CCSER1: variants seen among roughly 807,000 people sequenced by gnomAD.
The protein encoded by CCSER1 is serine-rich coiled-coil domain-containing protein 1.
In CCSER1, 41 loss-of-function variants were observed where a neutral mutation model predicts 82.0. The observed-to-expected ratio is 0.50, with a 90% confidence interval of 0.39 to 0.65. The LOEUF (loss-of-function observed/expected upper bound fraction) is 0.65. Among genes scored for constraint, CCSER1 ranks in the 30% least tolerant of loss-of-function variants. The pLI, the probability that CCSER1 is intolerant of heterozygous loss-of-function variation, is 0.00. For synonymous variants in CCSER1, 414 were observed against 383.9 expected (o/e 1.08, Z -0.92); for missense variants, 1,119 against 1,064.2 (o/e 1.05, Z -0.72).
At chr4:91,103,920 G>T (rs1725342673) in intron 10 of CCSER1, among the ~76,000 whole-genome samples, 1 of 152,030 alleles carries the variant, frequency 6.6e-6, no homozygotes, top group Non-Finnish European at 1.5e-5. Context: ...AAGTAGGAGA[G>T]ATATCACTAA....
At chr4:91,054,986 T>C (rs1743320165) in intron 9 of CCSER1, among the ~76,000 whole-genome samples, 1 of 152,148 alleles carries the variant, frequency 6.6e-6, no homozygotes, top group South Asian at 2.1e-4. Flanking sequence ...ATTTAAAGAC[T>C]TTACTGATAA....
intron 6 of CCSER1, among the ~76,000 whole-genome samples, chr4:90,698,148 G>C (rs1297938733): frequency 6.6e-6 from 1 of 152,062 alleles, no homozygotes; most frequent in Non-Finnish European, 1.5e-5. Context: ...GTGGTTAAAG[G>C]GATTCTTGGA....
At chr4:90,895,303 A>T (rs931013921) in intron 8 of CCSER1, among the ~76,000 whole-genome samples, 1 of 151,952 alleles carries the variant, frequency 6.6e-6, no homozygotes, top group Non-Finnish European at 1.5e-5. Flanking sequence ...AGTTAATAAT[A>T]TAAGCAGATG....
At chr4:91,579,259 G>T (rs1416012999) in intron 10 of CCSER1, among the ~76,000 whole-genome samples, 3 of 151,332 alleles carry the variant, frequency 2.0e-5, no homozygotes, top group African/African-American at 7.3e-5. Flanking sequence ...ACATTCAGGG[G>T]GTACATGTGC....
chr4:90,430,626 A>G (rs1758139346), intron 4 of CCSER1, among the ~76,000 whole-genome samples: 1 of 151,966 alleles, frequency 6.6e-6, no homozygotes, highest in African/African-American at 2.4e-5. Context: ...CTTCAAAAGT[A>G]TAACAAAACT....
At chr4:90,395,059 C>G (rs1208515284) in intron 3 of CCSER1, among the ~76,000 whole-genome samples, 1 of 152,172 alleles carries the variant, frequency 6.6e-6, no homozygotes, top group Admixed American at 6.5e-5. Flanking sequence ...TACTTTTGTC[C>G]TTGATCTCCC....
chr4:90,761,568 A>T (rs1750414759), intron 7 of CCSER1, among the ~76,000 whole-genome samples: 2 of 152,224 alleles, frequency 1.3e-5, no homozygotes, highest in African/African-American at 4.8e-5. Flanking sequence ...TCCATATGCC[A>T]GTGTCGGCAA....
At chr4:90,908,083 C>T (rs1725769692) in intron 8 of CCSER1, among the ~76,000 whole-genome samples, 1 of 151,972 alleles carries the variant, frequency 6.6e-6, no homozygotes. Flanking sequence ...AAACATGGTC[C>T]CTGCTCTAAG....
At chr4:90,373,585 G>T (rs1300043744) in intron 3 of CCSER1, among the ~76,000 whole-genome samples, 4 of 152,104 alleles carry the variant, frequency 2.6e-5, no homozygotes, top group Non-Finnish European at 5.9e-5. Context: ...TTTATTTAGT[G>T]ATCAATTGCT....
At chr4:90,940,777 C>T (rs191320894) in intron 9 of CCSER1, among the ~76,000 whole-genome samples, 11 of 152,156 alleles carry the variant, frequency 7.2e-5, no homozygotes, top group Non-Finnish European at 2.9e-5. Context: ...CGTCATCTTT[C>T]AAATAAAGAA....
chr4:91,199,208 A>G (rs1735704031), intron 10 of CCSER1, among the ~76,000 whole-genome samples: 1 of 152,146 alleles, frequency 6.6e-6, no homozygotes, highest in South Asian at 2.1e-4. Context: ...CACCCAAAGC[A>G]CAGAAACTGA....
chr4:91,310,806 A>G (rs368436583), intron 10 of CCSER1, among the ~76,000 whole-genome samples: 5 of 151,906 alleles, frequency 3.3e-5, no homozygotes, highest in African/African-American at 7.2e-5. Flanking sequence ...ATGTGGCCCA[A>G]TACAAATTCA....
chr4:91,546,518 T>C (rs771738470), intron 10 of CCSER1, among the ~76,000 whole-genome samples: 3 of 152,152 alleles, frequency 2.0e-5, no homozygotes, highest in Non-Finnish European at 2.9e-5. Context: ...TTATCAAATA[T>C]GTAGGCACAG....
chr4:91,042,508 C>T (rs1421328996), intron 9 of CCSER1, among the ~76,000 whole-genome samples: 1 of 152,120 alleles, frequency 6.6e-6, no homozygotes, highest in Non-Finnish European at 1.5e-5. Flanking sequence ...TTGTATGTCT[C>T]CTTATTTAGT....
intron 10 of CCSER1, among the ~76,000 whole-genome samples, chr4:91,433,451 A>T (rs2149395982): frequency 6.6e-6 from 1 of 152,320 alleles, no homozygotes; most frequent in South Asian, 2.1e-4. Flanking sequence ...TGACTCGCCC[A>T]AGGCAGCTTC....
intron 5 of CCSER1, among the ~76,000 whole-genome samples, chr4:90,622,456 C>T (rs1483551779): frequency 6.6e-6 from 1 of 152,140 alleles, no homozygotes; most frequent in Non-Finnish European, 1.5e-5. Flanking sequence ...GCGTGATGTT[C>T]CCTTTCCTGT....
intron 10 of CCSER1, among the ~76,000 whole-genome samples, chr4:91,151,942 T>C (rs1730253723): frequency 6.6e-6 from 1 of 152,232 alleles, no homozygotes; most frequent in Non-Finnish European, 1.5e-5. Flanking sequence ...GAGAAGAATG[T>C]ATATTCTGTT....
intron 4 of CCSER1, among the ~76,000 whole-genome samples, chr4:90,408,468 G>A (rs907917174): frequency 5.9e-5 from 9 of 152,264 alleles, no homozygotes; most frequent in East Asian, 5.8e-4. Flanking sequence ...CAGCATTTGC[G>A]GTTCACCAAT....
At chr4:90,233,027 G>T (rs955187587) in intron 1 of CCSER1, among the ~76,000 whole-genome samples, 1 of 151,878 alleles carries the variant, frequency 6.6e-6, no homozygotes, top group Non-Finnish European at 1.5e-5. Context: ...CTGTTGGTGG[G>T]ACTGTAAGCT....
Sources: gnomAD v4.1 joint callset for allele counts (sites outside exome capture counted in the v4.1 genomes callset) on GRCh38, gnomAD v4.1.1 for gene constraint, MANE v1.5 for transcripts, NCBI Gene and HGNC (gene_info 2026-07-23, HGNC 2026-07-21) for gene names.